RBFOX1: variants seen among roughly 807,000 people sequenced by gnomAD.
RBFOX1 encodes the protein RNA binding fox-1 homolog 1.
A neutral mutation model predicts 57.7 loss-of-function variants in RBFOX1; 8 were observed. The ratio of observed to expected loss-of-function variants is 0.14; its 90% confidence interval spans 0.08 to 0.25. RBFOX1 has a LOEUF of 0.25. RBFOX1 is among the 10% of genes least tolerant of loss of function. The pLI is 1.00. For synonymous variants in RBFOX1, 326 were observed against 222.4 expected, an observed-to-expected ratio of 1.47 and a Z score of -4.15; for missense variants, 611 against 548.5, an observed-to-expected ratio of 1.11 and a Z score of -1.14.
At chr16:5,326,929 A>G (rs181593567) in intron 1 of RBFOX1, among the ~76,000 whole-genome samples, 24 of 152,350 alleles carry the variant, frequency 1.6e-4, no homozygotes, top group Admixed American at 1.2e-3. Flanking sequence ...CGAGCCAGGC[A>G]CTGTCCTAGG....
At chr16:5,522,314 G>A (rs1484084033) in intron 2 of RBFOX1, among the ~76,000 whole-genome samples, 1 of 152,228 alleles carries the variant, frequency 6.6e-6, no homozygotes, top group African/African-American at 2.4e-5. Context: ...GCTCATCTTG[G>A]TGTTGTGATG....
chr16:6,859,829 T>G (rs1327841168), intron 3 of RBFOX1, among the ~76,000 whole-genome samples: 1 of 149,974 alleles, frequency 6.7e-6, no homozygotes, highest in Non-Finnish European at 1.5e-5. Flanking sequence ...TTCTTGTTTC[T>G]TTATAGAATC....
At position 7,167,750 on chromosome 16, in the gene RBFOX1, C is replaced by A. The variant is rs13334180; in HGVS notation, c.27+115652C>A. ...TAGATTTTATTGACAGAAACACAGC[C>A]TTATTCATTTACGTATTGTCTATGG... On this transcript the variant is annotated intron_variant, in intron 4 of 15. Coordinates refer to ENST00000550418, the MANE Select transcript of RBFOX1 (RefSeq NM_018723.4). 7.5e-3 allele frequency among the ~76,000 whole-genome samples: 1,138 copies of A among 152,290 alleles called. 18 individuals carry two copies. The highest frequency in any genetic ancestry group is 0.026 in the African/African-American group (1,095 of 41,554).
At chr16:5,242,814 G>C (rs1397821878) in intron 1 of RBFOX1, among the ~76,000 whole-genome samples, 1 of 152,084 alleles carries the variant, frequency 6.6e-6, no homozygotes, top group Non-Finnish European at 1.5e-5. Flanking sequence ...AGGTTTTAAT[G>C]TGACTGGGTG....
chr16:6,297,984 C>T (rs544358027), intron 1 of RBFOX1, among the ~76,000 whole-genome samples: 8 of 152,318 alleles, frequency 5.3e-5, no homozygotes, highest in South Asian at 2.1e-4. Flanking sequence ...CCAGTTCTTT[C>T]GGGGTGCTGG....
chr16:5,952,486 T>C (rs1381267931), intron 4 of RBFOX1, among the ~76,000 whole-genome samples: 2 of 152,052 alleles, frequency 1.3e-5, no homozygotes. Context: ...GGGGTTTCAC[T>C]ATGTTGCCCA....
rs2059435906 is a variant in RBFOX1, at chr16:5,947,905, G to T, written c.351+80570G>T. ...AGTTTATGTAATTATTAGTTTGAAT[G>T]GCTCTGCTCATTATGGTACAGAATT... On this transcript the variant is annotated intron_variant, in intron 4 of 19. Transcript: ENST00000641259. The surrounding 1 kb of genome is among the most constrained non-coding windows in gnomAD (Gnocchi z 7.2). 6.6e-6 allele frequency among the ~76,000 whole-genome samples: 1 copy of T among 152,186 alleles called. No individual in the cohort carries two copies. The highest frequency in any genetic ancestry group is 1.9e-4 in the East Asian group (1 of 5,188).
intron 3 of RBFOX1, among the ~76,000 whole-genome samples, chr16:5,856,587 A>G (rs1427343508): frequency 3.5e-4 from 27 of 76,754 alleles, no homozygotes; most frequent in South Asian, 1.0e-3. Context: ...ATATATATAT[A>G]TATATATATA....
intron 1 of RBFOX1, among the ~76,000 whole-genome samples, chr16:6,134,718 C>T (rs1200977599): frequency 2.0e-5 from 3 of 148,818 alleles, no homozygotes; most frequent in African/African-American, 7.5e-5. Context: ...CACTCTGTCA[C>T]CCAGGCTGGA....
intron 3 of RBFOX1, among the ~76,000 whole-genome samples, chr16:7,004,264 C>A (rs2093103238): frequency 6.6e-6 from 1 of 152,052 alleles, no homozygotes; most frequent in South Asian, 2.1e-4. Flanking sequence ...TGCATAAGAA[C>A]AACGCATTAT....
At chr16:6,567,745 T>G (rs1235323498) in intron 2 of RBFOX1, among the ~76,000 whole-genome samples, 1 of 152,180 alleles carries the variant, frequency 6.6e-6, no homozygotes, top group East Asian at 1.9e-4. Context: ...AGGGCCACAT[T>G]TTTGAGTTGG....
chr16:6,926,368 C>T (rs192464821), intron 3 of RBFOX1, among the ~76,000 whole-genome samples: 2 of 152,248 alleles, frequency 1.3e-5, no homozygotes, highest in African/African-American at 4.8e-5. Context: ...AGTTGTGCAA[C>T]AGGAGACCCG....
At chr16:6,901,174 A>C (rs1268225398) in intron 3 of RBFOX1, among the ~76,000 whole-genome samples, 2 of 152,188 alleles carry the variant, frequency 1.3e-5, no homozygotes, top group Admixed American at 1.3e-4. Flanking sequence ...CTAGTGTCTA[A>C]CATAGGTATT....
At chr16:7,394,067 C>G (rs980354254) in intron 4 of RBFOX1, among the ~76,000 whole-genome samples, 12 of 151,746 alleles carry the variant, frequency 7.9e-5, no homozygotes, top group African/African-American at 2.4e-4. Context: ...GAAACCCCAT[C>G]TCTACGAAAA....
intron 11 of RBFOX1, among the ~76,000 whole-genome samples, chr16:7,647,658 T>G (rs1182874731): frequency 6.6e-6 from 1 of 152,228 alleles, no homozygotes; most frequent in Non-Finnish European, 1.5e-5. Flanking sequence ...TTACAAATAC[T>G]GGATAGGGTG....
intron 4 of RBFOX1, among the ~76,000 whole-genome samples, chr16:7,286,448 ATTTT>A (rs940492155): frequency 1.6e-5 from 2 of 121,884 alleles, no homozygotes; most frequent in Non-Finnish European, 1.7e-5. Context: ...ATACTTTCTT[ATTTT>A]TTTTTTTTTT....
chr16:7,591,793 T>G (rs557369323), intron 7 of RBFOX1, among the ~76,000 whole-genome samples: 39 of 152,224 alleles, frequency 2.6e-4, no homozygotes, highest in Admixed American at 1.4e-3. Flanking sequence ...TGTTCTCCTT[T>G]TTAAGGCAGA....
chr16:7,039,608 A>G (rs914151972), intron 3 of RBFOX1, among the ~76,000 whole-genome samples: 2 of 152,214 alleles, frequency 1.3e-5, no homozygotes, highest in African/African-American at 4.8e-5. Flanking sequence ...TGTGACAAAA[A>G]GTAACAACCG....
At chr16:6,683,087 A>G (rs951060404) in intron 3 of RBFOX1, among the ~76,000 whole-genome samples, 4 of 151,946 alleles carry the variant, frequency 2.6e-5, no homozygotes, top group Admixed American at 2.0e-4. Flanking sequence ...AATACTGGAG[A>G]CTCGAGTTTA....
Sources: allele counts gnomAD v4.1 joint callset (sites outside exome capture counted in the v4.1 genomes callset), GRCh38; gene constraint gnomAD v4.1.1; non-coding constraint Gnocchi (gnomAD v3.1); transcripts MANE v1.5; gene names NCBI Gene and HGNC (gene_info 2026-07-23, HGNC 2026-07-21).